NAA10: variants seen among roughly 807,000 people sequenced by gnomAD.
NAA10 encodes the protein N-alpha-acetyltransferase 10.
A neutral mutation model predicts 19.2 loss-of-function variants in NAA10; 6 were observed. The ratio of observed to expected loss-of-function variants is 0.31; its 90% CI spans 0.17 to 0.62. The LOEUF (loss-of-function observed/expected upper bound fraction) is 0.62. NAA10 is among the 20% of genes least tolerant of loss of function. NAA10 has a pLI of 0.83. For missense variants in NAA10, 101 were observed against 198.4 expected (o/e 0.51, Z 2.95); for synonymous variants, 97 against 79.9 (o/e 1.21, Z -1.14).
At chrX:153,931,640 G>A in intron 6 of NAA10, 1 of 852,230 alleles carries the variant, frequency 1.2e-6, no homozygotes, top group African/African-American at 2.1e-5. Flanking sequence ...TAGGCTGCCT[G>A]GCCACTGGCC....
chrX:153,933,870 T>G, intron 3 of NAA10, 73 bp downstream of exon 3: 1 of 903,368 alleles, frequency 1.1e-6, no homozygotes, highest in Non-Finnish European at 1.6e-6. Context: ...AAGAAGCCTA[T>G]TCATTTTTTT....
Position 153,933,802 on chromosome X carries a change from A to G in NAA10, c.179+141T>C. 1.1e-5 allele frequency: 6 copies of G among 533,871 alleles called. No homozygotes were observed. The South Asian group carries it at 1.8e-4, about 16-fold the overall frequency. 44.0% of individuals were successfully genotyped at this position (533,871 alleles called of 1,213,427 possible). A position where few individuals can be genotyped will look rare whatever the true frequency, so the allele number is the denominator to read the frequency against. On this transcript the variant is annotated intron_variant, in intron 3 of 7. Transcript: ENST00000464845. ...GGGAGGGGATGCTGAGGGGTGCTAT[A>G]AGAACTCCATGTCCTTTCTGTTCAA...
rs1173269220 is a variant in NAA10 at position 153,934,972 on chromosome X, G to A, written c.-68C>T. 703 of 922,498 alleles carry A rather than the reference G, an allele frequency of 7.6e-4. No individual in the cohort carries two copies. The highest frequency in any genetic ancestry group is 1.3e-3 in the South Asian group (34 of 27,084). The allele number at this position is 922,498 out of a possible 1,213,427, so 76.0% of individuals were successfully genotyped here. On this transcript the variant is annotated 5_prime_UTR_variant, in exon 1 of 8. Transcript: ENST00000464845. ...CAGTCAGCTGCCGCCGCGCTCCGAA[G>A]CGACGCCGGGACGGCCGGGGCTGGG... is the stretch of plus-strand genomic sequence containing the variant.
Position 153,929,416 on chromosome X carries a change from G to A in NAA10, c.*571C>T, listed in dbSNP as rs1388237667. ...TATCATGGACTCACTGACCATTAGG[G>A]TGGCAGGGGAGGGAGGACTCAAGGA... On this transcript the variant is annotated 3_prime_UTR_variant, in exon 8 of 8. Coordinates refer to ENST00000464845, the MANE Select transcript of NAA10 (RefSeq NM_003491.4). The A allele has an allele frequency of 2.6e-5, 3 of 117,007 alleles. No homozygotes were observed. Among genetic ancestry groups the A allele is most frequent in the Non-Finnish European group, 5.4e-5 (3 of 56,074 alleles). The allele number at this position is 117,007 out of a possible 1,213,427, so 9.6% of individuals were successfully genotyped here. A position where few individuals can be genotyped will look rare whatever the true frequency, so the allele number is the denominator to read the frequency against.
Position 153,934,869 on chromosome X carries a change from GC to G in NAA10, c.21+14del. ...GCCCACGCGGCGCGGACAGCCTCCC[GC>G]CCCGGGCGCTCACCCTCGCATTGCG... On this transcript the variant is annotated intron_variant, in intron 1 of 7. Coordinates refer to ENST00000464845, the MANE Select transcript of NAA10 (RefSeq NM_003491.4). 3 of 1,002,621 alleles carry G rather than the reference GC, an allele frequency of 3.0e-6. No individual in the cohort carries two copies. The highest frequency in any genetic ancestry group is 3.8e-6 in the Non-Finnish European group (3 of 785,803). 82.6% of individuals were successfully genotyped at this position (1,002,621 alleles called of 1,213,427 possible).
At chrX:153,933,350 GT>G (rs1254563979) in intron 3 of NAA10, among the ~76,000 whole-genome samples, 4 of 112,561 alleles carry the variant, frequency 3.6e-5, no homozygotes, top group African/African-American at 1.3e-4. Flanking sequence ...GAGAAGTGCA[GT>G]AATGTAAACT....
At chrX:153,934,560 C>A in intron 1 of NAA10, 85 bp from the exon 2 acceptor site, 2 of 771,601 alleles carry the variant, frequency 2.6e-6, no homozygotes, top group South Asian at 2.2e-5. Flanking sequence ...TCGGTCTGCT[C>A]GGCCCCGCTC....
In NAA10 at chrX:153,934,912, GC is replaced by G; in HGVS notation, c.-9del. 1.0e-6 allele frequency: 1 copy of G among 1,004,913 alleles called. No homozygotes were observed. 82.8% of individuals were successfully genotyped at this position (1,004,913 alleles called of 1,213,427 possible). On this transcript the variant is annotated 5_prime_UTR_variant, in exon 1 of 8. Coordinates refer to ENST00000464845, the MANE Select transcript of NAA10 (RefSeq NM_003491.4). ...CGCATTGCGGATGTTCATAACGGCG[GC>G]GGGGCTCGCGGGTCCCAGCGGATCG...
chrX:153,931,503 A>G, intron 6 of NAA10: 1 of 800,491 alleles, frequency 1.2e-6, no homozygotes, highest in Non-Finnish European at 1.5e-6. Context: ...CTCCACAGGC[A>G]GCCCACCCCA....
intron 7 of NAA10, 44 bp from the exon 8 acceptor site, chrX:153,930,267 G>A (rs1557107179): frequency 8.9e-7 from 1 of 1,129,438 alleles, no homozygotes; most frequent in Non-Finnish European, 1.2e-6. Flanking sequence ...AAGAGACAGG[G>A]CCTAAGTTTC....
chrX:153,934,736 C>T (rs781851408), intron 1 of NAA10, 148 bp downstream of exon 1: 2 of 709,883 alleles, frequency 2.8e-6, no homozygotes, highest in South Asian at 2.7e-5. Context: ...GCCTCTTCGG[C>T]GGGCTGGGCC....
intron 7 of NAA10, 53 bp downstream of exon 7, chrX:153,930,710 G>A: frequency 3.4e-6 from 4 of 1,169,024 alleles, no homozygotes; most frequent in Non-Finnish European, 4.7e-6. Context: ...ACTGTCTTGG[G>A]GCTCCTGAGT....
rs782328757 is a variant in NAA10, at chrX:153,931,802, C to G, written c.386+269G>C. ...AACATTACTAAACAGCCCGTGTGCC[C>G]TTCGCCAGCCTCAGCCATCATGGGC... is the stretch of plus-strand genomic sequence containing the variant. On this transcript the variant is annotated intron_variant, in intron 6 of 7. Coordinates refer to ENST00000464845, the MANE Select transcript of NAA10 (RefSeq NM_003491.4). 75 of 1,074,945 alleles carry G rather than the reference C, an allele frequency of 7.0e-5. 1 individual carries two copies. In the South Asian group the frequency reaches 1.6e-3, roughly 24 times the overall value. The allele number at this position is 1,074,945 out of a possible 1,213,427, so 88.6% of individuals were successfully genotyped here. A position where few individuals can be genotyped will look rare whatever the true frequency, so the allele number is the denominator to read the frequency against.
chrX:153,932,503 C>T (rs1452996079), intron 4 of NAA10, 36 bp downstream of exon 4: 4 of 1,202,337 alleles, frequency 3.3e-6, no homozygotes, highest in African/African-American at 3.5e-5. Context: ...CCCCCACTTC[C>T]ACCCCCACCA....
At position 153,932,061 on chromosome X, in the gene NAA10, A is replaced by T. The variant is rs1557107451; in HGVS notation, c.386+10T>A. On this transcript the variant is annotated intron_variant, in intron 6 of 7. Transcript: ENST00000464845. ...ACCCCAGCCCATTAGAAAAATCGAG[A>T]TCTACTTACTGAAAGTTGAGGGTGT... is the stretch of plus-strand genomic sequence containing the variant. 8.3e-7 allele frequency: 1 copy of T among 1,211,704 alleles called. No homozygotes were observed. The highest frequency in any genetic ancestry group is 1.1e-6 in the Non-Finnish European group (1 of 895,479).
At chrX:153,933,885 G>A (rs1419103707) in intron 3 of NAA10, 58 bp downstream of exon 3, 1 of 1,007,398 alleles carries the variant, frequency 9.9e-7, no homozygotes, top group Non-Finnish European at 1.4e-6. Flanking sequence ...TTTTTTTAAA[G>A]CCCACAGAGG....
intron 1 of NAA10, 61 bp downstream of exon 1, chrX:153,934,823 G>C (rs1400104030): frequency 2.1e-6 from 2 of 960,663 alleles, no homozygotes; most frequent in Non-Finnish European, 2.6e-6. Context: ...GGGAGCATGC[G>C]CGGCAGCCAC....
At chrX:153,933,587 G>A (rs2065179178) in intron 3 of NAA10, 1 of 130,011 alleles carries the variant, frequency 7.7e-6, no homozygotes, top group Non-Finnish European at 1.5e-5. Flanking sequence ...CAGGAGAATC[G>A]CTTGAACCCA....
intron 1 of NAA10, 146 bp downstream of exon 1, chrX:153,934,738 G>A: frequency 2.8e-6 from 2 of 725,905 alleles, no homozygotes; most frequent in South Asian, 2.7e-5. Flanking sequence ...CTCTTCGGCG[G>A]GCTGGGCCAG....
Sources: allele counts gnomAD v4.1 joint callset (sites outside exome capture counted in the v4.1 genomes callset), GRCh38; gene constraint gnomAD v4.1.1; transcripts MANE v1.5; gene names NCBI Gene and HGNC (gene_info 2026-07-23, HGNC 2026-07-21).